WIPI2: variants seen among roughly 807,000 people sequenced by gnomAD.
The protein encoded by WIPI2 is WD repeat domain, phosphoinositide interacting 2.
WIPI2 carries 28 observed loss-of-function variants against 52.3 expected under a neutral mutation model. The ratio of observed to expected loss-of-function variants is 0.54; its 90% CI spans 0.40 to 0.73. The LOEUF (loss-of-function observed/expected upper bound fraction) is 0.73. Ranked by LOEUF, WIPI2 falls within the 30% of genes least tolerant of loss-of-function variation. WIPI2 has a pLI of 0.00. For missense variants in WIPI2, 506 were observed against 602.9 expected (o/e 0.84, Z 1.68); for synonymous variants, 268 against 245.0 (o/e 1.09, Z -0.88).
intron 3 of WIPI2, among the ~76,000 whole-genome samples, chr7:5,213,840 C>G (rs949432229): frequency 5.3e-5 from 8 of 152,144 alleles, no homozygotes; most frequent in African/African-American, 1.7e-4. Flanking sequence ...CGCCCGCCAC[C>G]ACGCCTGGCT....
At chr7:5,212,005 C>A (rs1012232422) in intron 3 of WIPI2, among the ~76,000 whole-genome samples, 2 of 152,208 alleles carry the variant, frequency 1.3e-5, no homozygotes, top group African/African-American at 4.8e-5. Flanking sequence ...AGCATTTCAC[C>A]ACCCACTGAA....
intron 1 of WIPI2, among the ~76,000 whole-genome samples, chr7:5,192,742 T>G (rs1228012322): frequency 6.6e-6 from 1 of 152,200 alleles, no homozygotes; most frequent in African/African-American, 2.4e-5. Context: ...TTGAAAGAAA[T>G]AGAGAAGTTC....
intron 3 of WIPI2, among the ~76,000 whole-genome samples, chr7:5,206,073 A>G (rs973554908): frequency 6.6e-6 from 1 of 151,774 alleles, no homozygotes; most frequent in African/African-American, 2.4e-5. Flanking sequence ...ATTTCTATGT[A>G]TTCAAATGCA....
chr7:5,215,692 G>T (rs1301024362), intron 4 of WIPI2, among the ~76,000 whole-genome samples: 6 of 152,252 alleles, frequency 3.9e-5, no homozygotes. Context: ...CTAGGAAGTG[G>T]TCTGTTAACT....
chr7:5,210,907 T>C (rs1231837773), intron 3 of WIPI2, among the ~76,000 whole-genome samples: 1 of 151,902 alleles, frequency 6.6e-6, no homozygotes, highest in Non-Finnish European at 1.5e-5. Context: ...TCACTAACAT[T>C]GAACTCGCGG....
rs1468844255 is a variant in WIPI2, at chr7:5,231,843, T to C, written c.*896T>C. 2 of 218,714 alleles carry C rather than the reference T, an allele frequency of 9.1e-6. No individual in the cohort carries two copies. The highest frequency in any genetic ancestry group is 2.3e-5 in the African/African-American group (1 of 44,062). 13.5% of individuals were successfully genotyped at this position (218,714 alleles called of 1,614,324 possible). A position where few individuals can be genotyped will look rare whatever the true frequency, so the allele number is the denominator to read the frequency against. On this transcript the variant is annotated 3_prime_UTR_variant, in exon 13 of 13. Coordinates refer to ENST00000288828, the MANE Select transcript of WIPI2 (RefSeq NM_015610.4). ...GTGGCCGTCTGAGCTGTCCTTTCGC[T>C]GGCCCCGCTGTCCGCAGGGGCTTCC...
In WIPI2 at chr7:5,217,872, G is replaced by A. The variant is rs368016066; in HGVS notation, c.577-50G>A. On this transcript the variant is annotated intron_variant, in intron 6 of 12. Transcript: ENST00000288828. ...GCGGACCAAGTGTCAGCCCTGGGGC[G>A]TGGGCGGTCACTGTGCGGTGGCCAC... is the stretch of plus-strand genomic sequence containing the variant. The A allele has an allele frequency of 4.1e-4, 653 of 1,590,436 alleles. 2 individuals carry two copies. Among genetic ancestry groups the A allele is most frequent in the South Asian group, 3.5e-3 (316 of 90,602 alleles).
At chr7:5,217,263 G>GGA in intron 6 of WIPI2, 76 bp downstream of exon 6, 1 of 1,471,918 alleles carries the variant, frequency 6.8e-7, no homozygotes, top group Non-Finnish European at 9.5e-7. Flanking sequence ...GGTGTCCCTG[G>GGA]CATCCTGACT....
At chr7:5,199,173 C>G (rs1214702641) in intron 2 of WIPI2, among the ~76,000 whole-genome samples, 2 of 152,102 alleles carry the variant, frequency 1.3e-5, no homozygotes, top group African/African-American at 2.4e-5. Flanking sequence ...CCTGGGACTA[C>G]AAGGGCACCA....
Position 5,225,862 on chromosome 7 carries a change from C to CA in WIPI2, c.781dup (p.Met261AsnfsTer10). 1 of 1,613,840 alleles carries CA rather than the reference C, an allele frequency of 6.2e-7. No individual in the cohort carries two copies. The highest frequency in any genetic ancestry group is 8.5e-7 in the Non-Finnish European group (1 of 1,179,964). On this transcript the variant is annotated frameshift_variant, in exon 9 of 13. Coordinates refer to ENST00000288828, the MANE Select transcript of WIPI2 (RefSeq NM_015610.4). LOFTEE classifies it high-confidence loss of function. ...GCTCCCTGGCCTTCAGCATGGACGG[C>CA]ATGTTCCTCTCCGCCTCCAGCAACA...
chr7:5,211,623 G>A (rs1303552243), intron 3 of WIPI2, among the ~76,000 whole-genome samples: 6 of 152,230 alleles, frequency 3.9e-5, no homozygotes, highest in Non-Finnish European at 5.9e-5. Flanking sequence ...TTGGAAGTAA[G>A]TTCTTTTCAC....
At chr7:5,204,481 G>A (rs1369544323) in intron 3 of WIPI2, among the ~76,000 whole-genome samples, 2 of 152,120 alleles carry the variant, frequency 1.3e-5, no homozygotes, top group Non-Finnish European at 2.9e-5. Context: ...AAGTTCATCT[G>A]TATGTGAAGT....
At position 5,233,809 on chromosome 7, in the gene WIPI2, G is replaced by A. The variant is rs932971382; in HGVS notation, c.*2862G>A. 7.2e-5 allele frequency: 11 copies of A among 152,178 alleles called. No homozygotes were observed. Among genetic ancestry groups the A allele is most frequent in the Non-Finnish European group, 1.5e-4 (10 of 68,026 alleles). The allele number at this position is 152,178 out of a possible 1,614,324, so 9.4% of individuals were successfully genotyped here. Reference sequence around the variant, plus strand: ...AGCCAGCGGTGGGCACCCAATAAACGCTACAACATAAATGTGTCTTCTGCA... The same window carrying A: ...AGCCAGCGGTGGGCACCCAATAAACACTACAACATAAATGTGTCTTCTGCA... On this transcript the variant is annotated 3_prime_UTR_variant, in exon 13 of 13. Transcript: ENST00000288828.
intron 8 of WIPI2, among the ~76,000 whole-genome samples, chr7:5,224,298 G>C (rs1055463805): frequency 6.6e-6 from 1 of 152,206 alleles, no homozygotes; most frequent in Non-Finnish European, 1.5e-5. Flanking sequence ...CCCTCGAGGA[G>C]GCCTTTTTTT....
chr7:5,194,322 G>A lies in WIPI2; in HGVS notation c.128+1151G>A, dbSNP rs117348688. ...GAGGTTGCTTTTGGTTTACAGTGTC[G>A]GGCTCTATCCGCCTAAGCACGCAAT... On this transcript the variant is annotated intron_variant, in intron 2 of 12. Transcript: ENST00000288828. Among the ~76,000 whole-genome samples the A allele has an allele frequency of 5.3e-3, 809 of 152,238 alleles. 6 individuals carry two copies. The highest frequency in any genetic ancestry group is 0.01 in the Middle Eastern group (3 of 294).
At chr7:5,208,594 T>A (rs953786124) in intron 3 of WIPI2, among the ~76,000 whole-genome samples, 9 of 152,188 alleles carry the variant, frequency 5.9e-5, no homozygotes, top group Admixed American at 2.0e-4. Context: ...TCTATCTCAT[T>A]AATTTTTATG....
chr7:5,204,221 C>T (rs903673383), intron 3 of WIPI2, among the ~76,000 whole-genome samples: 2 of 152,116 alleles, frequency 1.3e-5, no homozygotes, highest in East Asian at 1.9e-4. Flanking sequence ...TATCCCAACA[C>T]TTTGGGAGGC....
At chr7:5,205,326 T>C (rs533352366) in intron 3 of WIPI2, among the ~76,000 whole-genome samples, 3 of 152,316 alleles carry the variant, frequency 2.0e-5, no homozygotes, top group Admixed American at 2.0e-4. Flanking sequence ...TCCAGAGTGA[T>C]TGGTCGTTCA....
intron 11 of WIPI2, among the ~76,000 whole-genome samples, chr7:5,229,125 C>T (rs1783591231): frequency 1.3e-5 from 2 of 152,146 alleles, no homozygotes; most frequent in Non-Finnish European, 2.9e-5. Context: ...AAGCGATTCT[C>T]CTGCCTCAGC....
Sources: gnomAD v4.1 joint callset for allele counts (sites outside exome capture counted in the v4.1 genomes callset) on GRCh38, gnomAD v4.1.1 for gene constraint, MANE v1.5 for transcripts, NCBI Gene and HGNC (gene_info 2026-07-23, HGNC 2026-07-21) for gene names.